Variants in DYNC1H1 observed in about 807,000 individuals in gnomAD.
The protein encoded by DYNC1H1 is dynein cytoplasmic 1 heavy chain 1, also known as cytoplasmic dynein 1 heavy chain 1.
A neutral mutation model predicts 527.1 loss-of-function variants in DYNC1H1; 51 were observed. The ratio of observed to expected loss-of-function variants is 0.10; its 90% CI spans 0.08 to 0.12. DYNC1H1 has a LOEUF of 0.12. Ranked by LOEUF, DYNC1H1 falls within the 10% of genes least tolerant of loss-of-function variation. The probability of loss-of-function intolerance (pLI) is 1.00; values close to 1 mark genes in which losing one functional copy is unlikely to be tolerated. For synonymous variants in DYNC1H1, 2,189 were observed against 2,278.8 expected (o/e 0.96, Z 1.12); for missense variants, 2,771 against 5,971.8 (o/e 0.46, Z 17.66).
intron 42 of DYNC1H1, among the ~76,000 whole-genome samples, chr14:102,022,160 A>G (rs1024003562): frequency 2.0e-5 from 3 of 151,864 alleles, no homozygotes; most frequent in African/African-American, 7.3e-5. Context: ...AGATCGCGCC[A>G]CTGCACTTCA....
Position 102,016,340 on chromosome 14 carries a change from T to C in DYNC1H1, c.7474-9T>C. The C allele has an allele frequency of 1.9e-6, 3 of 1,614,218 alleles. No homozygotes were observed. Among genetic ancestry groups the C allele is most frequent in the Non-Finnish European group, 2.5e-6 (3 of 1,180,042 alleles). On this transcript the variant is annotated splice_polypyrimidine_tract_variant and intron_variant, in intron 36 of 77. Coordinates refer to ENST00000360184, the MANE Select transcript of DYNC1H1 (RefSeq NM_001376.5). The surrounding 1 kb of genome is among the most constrained non-coding windows in gnomAD (Gnocchi z 7.3). ...TATAAAAATCAAAGTTTAATTCCCT[T>C]TTTAATAGCGATATCTGGTTTATGC...
chr14:101,984,448 A>C (rs865978050), intron 7 of DYNC1H1, among the ~76,000 whole-genome samples: 2 of 89,132 alleles, frequency 2.2e-5, no homozygotes, highest in South Asian at 6.5e-4. Context: ...TATATATATT[A>C]TATTTTTTTT....
At chr14:102,045,156 A>C (rs1199531258) in intron 72 of DYNC1H1, 1 of 230,286 alleles carries the variant, frequency 4.3e-6, no homozygotes, top group Non-Finnish European at 8.7e-6. Flanking sequence ...TACAAAAATT[A>C]GGTGAGCATG....
At chr14:102,025,333 A>T (rs1343015229) in intron 43 of DYNC1H1, among the ~76,000 whole-genome samples, 1 of 151,752 alleles carries the variant, frequency 6.6e-6, no homozygotes, top group African/African-American at 2.4e-5. Flanking sequence ...TAAACCTGGG[A>T]GGCAGAGGTT....
At position 102,041,817 on chromosome 14, in the gene DYNC1H1, G is replaced by A. The variant is rs866283274; in HGVS notation, c.12102+83G>A. 2.3e-5 allele frequency: 37 copies of A among 1,602,526 alleles called. No homozygotes were observed. The highest frequency in any genetic ancestry group is 2.8e-5 in the Non-Finnish European group (33 of 1,174,292). ...ACAGGTGGCAGCAGCCCTGGCATCT[G>A]CTCTCACTCCGGGCTACAGTCTCCT... On this transcript the variant is annotated intron_variant, in intron 65 of 77. Coordinates refer to ENST00000360184, the MANE Select transcript of DYNC1H1 (RefSeq NM_001376.5). This position sits in a 1 kb window ranked among gnomAD's most constrained non-coding sequence, Gnocchi z 4.5.
At chr14:102,048,315 G>C in intron 73 of DYNC1H1, 1 of 778,876 alleles carries the variant, frequency 1.3e-6, no homozygotes. Flanking sequence ...TGCGACTCGG[G>C]CAGGGGCCTC....
rs1488228351 is a variant in DYNC1H1, at chr14:102,047,963, T to A, written c.13153T>A (p.Ser4385Thr). 6.2e-7 allele frequency: 1 copy of A among 1,612,810 alleles called. No individual in the cohort carries two copies. Among genetic ancestry groups the A allele is most frequent in the African/African-American group, 1.3e-5 (1 of 74,948 alleles). Residue 4385 changes from serine to threonine, a missense_variant, in exon 73 of 78, where the codon TCC becomes ACC. Physicochemically the swap from Ser to Thr is moderately conservative, Grantham distance 58. This residue lies in a region of DYNC1H1 where 170 missense variants were observed against 249.8 expected (regional missense o/e 0.68). Coordinates refer to ENST00000360184, the MANE Select transcript of DYNC1H1 (RefSeq NM_001376.5). ...AWMRTLHTTASNWLHLIPQTL... is the reference protein window; with the variant it reads ...AWMRTLHTTATNWLHLIPQTL... ...GATGCGGACACTGCACACCACCGCG[T>A]CCAACTGGCTGCACCTCATCCCCCA...
chr14:101,980,484 C>T lies in DYNC1H1; in HGVS notation c.895C>T (p.Leu299=). Residue 299 remains leucine, a synonymous_variant, in exon 5 of 78, where the codon CTG becomes TTG. Transcript: ENST00000360184. ...QEKRESPEVL[L]TLDILKHGKR... is the part of the protein sequence containing the mutation. The stretch of plus-strand genomic sequence containing the variant: ...GAAACGGGAGAGCCCGGAAGTTCTC[C>T]TGACTCTGGATATCTTGAAACATGG... 1 of 1,614,232 alleles carries T rather than the reference C, an allele frequency of 6.2e-7. No homozygotes were observed.
rs995301525 is a variant in DYNC1H1 at position 102,008,098 on chromosome 14, A to G, written c.5818-80A>G. On this transcript the variant is annotated intron_variant, in intron 28 of 77. Coordinates refer to ENST00000360184, the MANE Select transcript of DYNC1H1 (RefSeq NM_001376.5). ...CCCACTAGGGTTAGGGCATCAACAT[A>G]CTGATTTGTGGCAAGGGAGAGGGGA... 5 of 1,597,362 alleles carry G rather than the reference A, an allele frequency of 3.1e-6. No homozygotes were observed. The African/African-American group carries it at 5.3e-5, about 17-fold the overall frequency.
chr14:102,010,094 G>C lies in DYNC1H1; in HGVS notation c.6221+8G>C, dbSNP rs777878967. Reference sequence around the variant, plus strand: ...AATCGTCCCGTTTTTTAAGTAAGTAGCCTAGAATTCTTCATAATCATGTTT... The same window carrying C: ...AATCGTCCCGTTTTTTAAGTAAGTACCCTAGAATTCTTCATAATCATGTTT... On this transcript the variant is annotated splice_region_variant and intron_variant, in intron 30 of 77. Coordinates refer to ENST00000360184, the MANE Select transcript of DYNC1H1 (RefSeq NM_001376.5). The surrounding 1 kb of genome is among the most constrained non-coding windows in gnomAD (Gnocchi z 6.0). 26 of 1,613,298 alleles carry C rather than the reference G, an allele frequency of 1.6e-5. No homozygotes were observed. The highest frequency in any genetic ancestry group is 2.2e-5 in the Non-Finnish European group (26 of 1,180,048).
Position 102,029,798 on chromosome 14 carries a change from A to G in DYNC1H1, c.9643-21A>G, listed in dbSNP as rs778517232. The G allele has an allele frequency of 6.2e-7, 1 of 1,614,108 alleles. No individual in the cohort carries two copies. Among genetic ancestry groups the G allele is most frequent in the Non-Finnish European group, 8.5e-7 (1 of 1,180,012 alleles). ...AATTTCTGCATGTTTCTCGTCTCTGAGTGTGGGCTTTGCTCTTTAGGTAGA... is the reference window on the plus strand; with the variant it reads ...AATTTCTGCATGTTTCTCGTCTCTGGGTGTGGGCTTTGCTCTTTAGGTAGA... On this transcript the variant is annotated intron_variant, in intron 49 of 77. Coordinates refer to ENST00000360184, the MANE Select transcript of DYNC1H1 (RefSeq NM_001376.5). This position sits in a 1 kb window ranked among gnomAD's most constrained non-coding sequence, Gnocchi z 5.3.
intron 11 of DYNC1H1, among the ~76,000 whole-genome samples, chr14:101,993,154 C>T (rs1243483035): frequency 6.6e-6 from 1 of 152,098 alleles, no homozygotes; most frequent in Non-Finnish European, 1.5e-5. Flanking sequence ...CACTTCTCAT[C>T]CTTCAGCTCA....
chr14:101,979,174 T>G lies in DYNC1H1; in HGVS notation c.345-145T>G. On this transcript the variant is annotated intron_variant, in intron 2 of 77. Transcript: ENST00000360184. The surrounding 1 kb of genome is among the most constrained non-coding windows in gnomAD (Gnocchi z 4.6). ...TTCTGTAACCATAACCTTGATTCAG[T>G]AGCTCTCATGTACTAAAGAAAGACA... The G allele has an allele frequency of 1.3e-6, 1 of 769,838 alleles. No homozygotes were observed. The highest frequency in any genetic ancestry group is 2.1e-6 in the Non-Finnish European group (1 of 482,616). The allele number at this position is 769,838 out of a possible 1,614,324, so 47.7% of individuals were successfully genotyped here.
Position 102,011,603 on chromosome 14 carries a change from C to G in DYNC1H1, c.6619-272C>G, listed in dbSNP as rs936610311. 3 of 460,284 alleles carry G rather than the reference C, an allele frequency of 6.5e-6. No homozygotes were observed. The highest frequency in any genetic ancestry group is 5.9e-5 in the African/African-American group (3 of 50,494). 28.5% of individuals were successfully genotyped at this position (460,284 alleles called of 1,614,324 possible). A position where few individuals can be genotyped will look rare whatever the true frequency, so the allele number is the denominator to read the frequency against. ...CCAGCTGGGGAGTTTCAGTACTTGC[C>G]TTTAATAATCCATAGATAGGCGCTT... On this transcript the variant is annotated intron_variant, in intron 32 of 77. Coordinates refer to ENST00000360184, the MANE Select transcript of DYNC1H1 (RefSeq NM_001376.5). The surrounding 1 kb of genome is among the most constrained non-coding windows in gnomAD (Gnocchi z 5.3).
At position 102,019,897 on chromosome 14, in the gene DYNC1H1, G is replaced by T; in HGVS notation, c.8348G>T (p.Arg2783Ile). Residue 2783 changes from arginine (R) to isoleucine (I), a missense_variant, in exon 42 of 78, where the codon AGA becomes ATA. Arg to Ile is a moderately conservative substitution (Grantham distance 97). Transcript: ENST00000360184. ...CCATTTTTCTCATTGCCATAGGAGA[G>T]ATTCACCCAGGATACACAACCTCAC... ...MVEFYTMSQERFTQDTQPHYI... is the reference protein window; with the variant it reads ...MVEFYTMSQEIFTQDTQPHYI... 1 of 1,614,172 alleles carries T rather than the reference G, an allele frequency of 6.2e-7. No individual in the cohort carries two copies. The highest frequency in any genetic ancestry group is 8.5e-7 in the Non-Finnish European group (1 of 1,180,040).
chr14:102,017,210 G>A lies in DYNC1H1; in HGVS notation c.7971G>A (p.Lys2657=). The change falls in exon 39 of 78, where the codon AAG becomes AAA. Residue 2657 remains lysine (K), a synonymous_variant. Coordinates refer to ENST00000360184, the MANE Select transcript of DYNC1H1 (RefSeq NM_001376.5). This position sits in a 1 kb window ranked among gnomAD's most constrained non-coding sequence, Gnocchi z 4.6. ...TTTTGGCTCCTGTTCAACTTGGAAA[G>A]TGGCTGGTGTTGTTCTGTGATGAAA... is the stretch of plus-strand genomic sequence containing the variant. ...GVVLAPVQLG[K]WLVLFCDEIN... is the part of the protein sequence containing the mutation. The A allele has an allele frequency of 6.2e-7, 1 of 1,614,244 alleles. No individual in the cohort carries two copies. Among genetic ancestry groups the A allele is most frequent in the Non-Finnish European group, 8.5e-7 (1 of 1,180,046 alleles).
intron 48 of DYNC1H1, 104 bp downstream of exon 48, chr14:102,028,245 CT>C (rs2048472357): frequency 1.5e-6 from 2 of 1,373,884 alleles, no homozygotes; most frequent in Non-Finnish European, 2.0e-6. Context: ...GGTGCAGTGA[CT>C]CATGCCTGTA....
In DYNC1H1 at chr14:102,050,935, AC is replaced by A. The variant is rs2048801628; in HGVS notation, c.*373del. ...GAGCTCGCTCCCGAGCGGCCACAGC[AC>A]TCATGAATGAAGACCTTGGGGCCCT... On this transcript the variant is annotated 3_prime_UTR_variant, in exon 78 of 78. Coordinates refer to ENST00000360184, the MANE Select transcript of DYNC1H1 (RefSeq NM_001376.5). 2 of 351,708 alleles carry A rather than the reference AC, an allele frequency of 5.7e-6. No homozygotes were observed. Among genetic ancestry groups the A allele is most frequent in the African/African-American group, 4.3e-5 (2 of 46,894 alleles). The allele number at this position is 351,708 out of a possible 1,614,324, so 21.8% of individuals were successfully genotyped here.
intron 27 of DYNC1H1, among the ~76,000 whole-genome samples, 157 bp from the exon 28 acceptor site, chr14:102,006,851 C>T (rs531343350): frequency 6.6e-6 from 1 of 150,928 alleles, no homozygotes; most frequent in East Asian, 2.0e-4. Context: ...CTGCCTGCCT[C>T]GGCCTCCCGA....
Sources: allele counts gnomAD v4.1 joint callset (sites outside exome capture counted in the v4.1 genomes callset), GRCh38; gene constraint gnomAD v4.1.1; regional missense constraint gnomAD v4.1.1; non-coding constraint Gnocchi (gnomAD v3.1); transcripts MANE v1.5; gene names NCBI Gene and HGNC (gene_info 2026-07-23, HGNC 2026-07-21).